Variants in PRKG1 observed in about 807,000 individuals in gnomAD.
PRKG1 encodes the protein protein kinase cGMP-dependent 1, also known as cGMP-dependent protein kinase 1.
Under a neutral mutation model 88.1 loss-of-function variants are expected in PRKG1, and 35 were observed. The observed-to-expected ratio is 0.40, with a 90% CI of 0.30 to 0.53. The LOEUF is 0.53. Ranked by LOEUF, PRKG1 falls within the 20% of genes least tolerant of loss-of-function variation. The pLI, the probability that PRKG1 is intolerant of heterozygous loss-of-function variation, is 0.59. For missense variants in PRKG1, 540 were observed against 839.8 expected (o/e 0.64, Z 4.41); for synonymous variants, 303 against 292.5 (o/e 1.04, Z -0.37).
intron 9 of PRKG1, among the ~76,000 whole-genome samples, chr10:52,208,212 C>G (rs1207285430): frequency 6.6e-6 from 1 of 152,148 alleles, no homozygotes; most frequent in Non-Finnish European, 1.5e-5. Flanking sequence ...TCTTGAATCA[C>G]TTTGAATGTG....
intron 2 of PRKG1, chr10:51,306,826 C>T (rs1399670428): frequency 6.6e-6 from 1 of 152,144 alleles, no homozygotes; most frequent in African/African-American, 2.4e-5. Flanking sequence ...TTTACTAAAT[C>T]CCTCAAAACT....
chr10:51,274,858 C>T (rs1417459500), intron 2 of PRKG1, among the ~76,000 whole-genome samples: 3 of 152,332 alleles, frequency 2.0e-5, no homozygotes, highest in Non-Finnish European at 2.9e-5. Context: ...TATAGTCCCT[C>T]TCTATGGACA....
intron 2 of PRKG1, among the ~76,000 whole-genome samples, chr10:51,448,753 A>G (rs111429123): frequency 1.2e-3 from 188 of 151,986 alleles, no homozygotes; most frequent in African/African-American, 4.2e-3. Flanking sequence ...CTCATGGCAG[A>G]TTTATTTGCC....
intron 1 of PRKG1, among the ~76,000 whole-genome samples, chr10:51,046,003 C>A (rs1326509734): frequency 6.6e-6 from 1 of 152,172 alleles, no homozygotes; most frequent in Non-Finnish European, 1.5e-5. Context: ...TTTTACTAAG[C>A]AATGTAATTC....
At chr10:51,947,469 A>G (rs1405963008) in intron 5 of PRKG1, among the ~76,000 whole-genome samples, 1 of 152,088 alleles carries the variant, frequency 6.6e-6, no homozygotes, top group Non-Finnish European at 1.5e-5. Context: ...CGCTGCACCC[A>G]CTGTCTTCCG....
intron 2 of PRKG1, among the ~76,000 whole-genome samples, chr10:51,430,717 T>C (rs1299985380): frequency 6.6e-6 from 1 of 152,086 alleles, no homozygotes. Context: ...AACTAGTAAG[T>C]GGAAAAACAA....
chr10:51,727,591 A>G (rs184921007), intron 3 of PRKG1, among the ~76,000 whole-genome samples: 1 of 152,296 alleles, frequency 6.6e-6, no homozygotes, highest in African/African-American at 2.4e-5. Context: ...AGAAATTTCT[A>G]CTATTTAAAT....
chr10:52,014,844 A>G (rs1844994262), intron 5 of PRKG1, among the ~76,000 whole-genome samples: 1 of 152,202 alleles, frequency 6.6e-6, no homozygotes, highest in African/African-American at 2.4e-5. Context: ...ATTAAATCTT[A>G]AAGCTCCAAA....
intron 4 of PRKG1, among the ~76,000 whole-genome samples, chr10:51,814,563 T>C (rs1839538707): frequency 6.6e-6 from 1 of 152,140 alleles, no homozygotes. Context: ...AAAGCTGGTA[T>C]AGTTTTAATT....
chr10:52,188,190 ATG>A (rs1179412248), intron 9 of PRKG1, among the ~76,000 whole-genome samples: 1 of 143,082 alleles, frequency 7.0e-6, no homozygotes, highest in Non-Finnish European at 1.5e-5. Context: ...ATATCTATGT[ATG>A]TGTGTGTGTA....
At chr10:51,232,127 C>T (rs946142135) in intron 2 of PRKG1, among the ~76,000 whole-genome samples, 2 of 152,106 alleles carry the variant, frequency 1.3e-5, no homozygotes, top group African/African-American at 4.8e-5. Flanking sequence ...TGTAGGGGAG[C>T]AATTTCTGTG....
intron 3 of PRKG1, among the ~76,000 whole-genome samples, chr10:51,628,228 G>A (rs891483572): frequency 4.7e-5 from 7 of 148,094 alleles, no homozygotes; most frequent in Non-Finnish European, 8.9e-5. Context: ...GAAGTGCAGT[G>A]GCACAAACTT....
At chr10:51,520,493 C>A (rs190438432) in intron 3 of PRKG1, among the ~76,000 whole-genome samples, 28 of 152,036 alleles carry the variant, frequency 1.8e-4, no homozygotes, top group African/African-American at 5.3e-4. Context: ...GAACGCAGGG[C>A]AGTCTGTACT....
intron 3 of PRKG1, among the ~76,000 whole-genome samples, chr10:51,534,614 C>G (rs1481148614): frequency 6.9e-6 from 1 of 144,848 alleles, no homozygotes; most frequent in Non-Finnish European, 1.5e-5. Context: ...TTGCAGTGAG[C>G]CGAGATCACG....
chr10:52,152,822 G>C (rs1837972633), intron 8 of PRKG1, among the ~76,000 whole-genome samples: 1 of 152,162 alleles, frequency 6.6e-6, no homozygotes, highest in African/African-American at 2.4e-5. Flanking sequence ...TCAGATTATT[G>C]AAGTTAGAAT....
At chr10:51,943,461 A>G (rs1392053252) in intron 5 of PRKG1, among the ~76,000 whole-genome samples, 1 of 151,976 alleles carries the variant, frequency 6.6e-6, no homozygotes, top group African/African-American at 2.4e-5. Context: ...CTCCTGCCTA[A>G]TTGCCCTGGC....
intron 3 of PRKG1, among the ~76,000 whole-genome samples, chr10:51,595,737 A>T (rs1366196873): frequency 6.6e-6 from 1 of 152,126 alleles, no homozygotes; most frequent in Non-Finnish European, 1.5e-5. Context: ...TCCTCCAGGT[A>T]AACCTTTTCT....
intron 7 of PRKG1, among the ~76,000 whole-genome samples, chr10:52,081,868 G>A (rs544706221): frequency 6.2e-5 from 1 of 16,128 alleles, no homozygotes; most frequent in South Asian, 4.1e-3. Context: ...AATGTTTCTT[G>A]TCCTGACAAT....
chr10:51,013,702 T>C (rs1029389419), intron 1 of PRKG1, among the ~76,000 whole-genome samples: 1 of 152,170 alleles, frequency 6.6e-6, no homozygotes, highest in African/African-American at 2.4e-5. Flanking sequence ...GTAACACTTT[T>C]AAAAAAGAAT....
Sources: gnomAD v4.1 joint callset for allele counts (sites outside exome capture counted in the v4.1 genomes callset) on GRCh38, gnomAD v4.1.1 for gene constraint, MANE v1.5 for transcripts, NCBI Gene and HGNC (gene_info 2026-07-23, HGNC 2026-07-21) for gene names.